SLC16A5: variants seen among roughly 807,000 people sequenced by gnomAD.
SLC16A5 encodes monocarboxylate transporter 6.
A neutral mutation model predicts 33.2 loss-of-function variants in SLC16A5; 29 were observed. The ratio of observed to expected loss-of-function variants is 0.87; its 90% CI spans 0.65 to 1.19. The LOEUF (loss-of-function observed/expected upper bound fraction) is 1.19. Ranked by LOEUF, SLC16A5 falls within the 50% of genes most tolerant of loss-of-function variation. SLC16A5 has a pLI of 0.00. For missense variants in SLC16A5, 606 were observed against 678.2 expected (o/e 0.89, Z 1.18); for synonymous variants, 248 against 284.1 (o/e 0.87, Z 1.28).
rs747676766 is a variant in SLC16A5, at chr17:75,100,209, C to G, written c.546C>G (p.Cys182Trp). Reference protein sequence around the residue: ...FLVFGGIFLHCCICGAIIRPV... With the variant: ...FLVFGGIFLHWCICGAIIRPV... ...TCTTCGGCGGGATCTTTCTCCACTG[C>G]TGCATCTGCGGGGCCATCATAAGGC... Residue 182 changes from cysteine to tryptophan, a missense_variant, in exon 5 of 7, where the codon TGC becomes TGG. Cys to Trp is a radical substitution (Grantham distance 215, BLOSUM62 -2). Coordinates refer to ENST00000329783, the MANE Select transcript of SLC16A5 (RefSeq NM_004695.4). 6.2e-7 allele frequency: 1 copy of G among 1,614,144 alleles called. No homozygotes were observed. Among genetic ancestry groups the G allele is most frequent in the Non-Finnish European group, 8.5e-7 (1 of 1,180,050 alleles).
chr17:75,096,676 CAT>C (rs1179458725), intron 3 of SLC16A5, among the ~76,000 whole-genome samples: 3 of 150,850 alleles, frequency 2.0e-5, no homozygotes. Context: ...GAATTACAGG[CAT>C]GCGCCACCAC....
At chr17:75,107,854 G>A (rs138678115), downstream of SLC16A5, among the ~76,000 whole-genome samples, 1,621 of 152,036 alleles carry the variant, frequency 0.011, 26 homozygotes, top group African/African-American at 0.037. Context: ...GGAGAATGGC[G>A]TGAACCTGGG....
intron 3 of SLC16A5, 110 bp downstream of exon 3, chr17:75,093,945 G>T (rs886459557): frequency 2.8e-6 from 4 of 1,451,822 alleles, no homozygotes; most frequent in Non-Finnish European, 3.7e-6. Flanking sequence ...TTTGCCTCCT[G>T]GGTGAATTCC....
chr17:75,107,963 G>A (rs2073875001), downstream of SLC16A5, among the ~76,000 whole-genome samples: 1 of 152,062 alleles, frequency 6.6e-6, no homozygotes, highest in Non-Finnish European at 1.5e-5. Flanking sequence ...AATTAGCTGG[G>A]TGCAGTGGTG....
downstream of SLC16A5, among the ~76,000 whole-genome samples, chr17:75,108,598 C>G (rs932512866): frequency 1.3e-5 from 2 of 152,048 alleles, no homozygotes; most frequent in Non-Finnish European, 2.9e-5. Flanking sequence ...GAGGCTCTCT[C>G]AAAGAAAATG....
intron 2 of SLC16A5, 27 bp from the exon 3 acceptor site, chr17:75,093,562 C>T (rs781716856): frequency 4.5e-6 from 7 of 1,552,942 alleles, no homozygotes; most frequent in Middle Eastern, 3.3e-4. Flanking sequence ...CTGCTGACCA[C>T]CAGGCTCCAT....
At chr17:75,104,351 A>G in intron 6 of SLC16A5, 171 bp downstream of exon 6, 5 of 1,434,874 alleles carry the variant, frequency 3.5e-6, no homozygotes. Flanking sequence ...CAGGCTCTGC[A>G]AGCTGGGACT....
chr17:75,105,935 T>A lies in SLC16A5; in HGVS notation c.1420T>A (p.Cys474Ser), dbSNP rs2145089336. 6.2e-7 allele frequency: 1 copy of A among 1,612,252 alleles called. No homozygotes were observed. Among genetic ancestry groups the A allele is most frequent in the South Asian group, 1.1e-5 (1 of 90,852 alleles). Reference protein sequence around the residue: ...PAGVNKHLWGCPASSRTSHEW... With the variant: ...PAGVNKHLWGSPASSRTSHEW... ...TGGCGTCAATAAGCATCTTTGGGGATGTCCTGCCTCCTCCAGGACCAGCCA... is the reference window on the plus strand; with the variant it reads ...TGGCGTCAATAAGCATCTTTGGGGAAGTCCTGCCTCCTCCAGGACCAGCCA... The change falls in exon 7 of 7, where the codon TGT (cysteine) becomes AGT (serine). Residue 474 changes from cysteine (C) to serine (S), a missense_variant. Transcript: ENST00000329783.
intron 6 of SLC16A5, chr17:75,104,930 T>C: frequency 1.0e-6 from 1 of 985,414 alleles, no homozygotes; most frequent in Non-Finnish European, 1.2e-6. Flanking sequence ...CACTGGACCT[T>C]CTCGTCCAGC....
intron 2 of SLC16A5, among the ~76,000 whole-genome samples, chr17:75,091,039 G>A (rs903252530): frequency 5.3e-5 from 8 of 152,218 alleles, no homozygotes; most frequent in Non-Finnish European, 8.8e-5. Flanking sequence ...AGTGGGGAGA[G>A]GGAGCAGGGC....
chr17:75,093,492 A>G, intron 2 of SLC16A5, 97 bp from the exon 3 acceptor site: 1 of 1,536,544 alleles, frequency 6.5e-7, no homozygotes, highest in Non-Finnish European at 8.7e-7. Context: ...CTTGGGTATG[A>G]GGAAGGGATG....
At chr17:75,095,331 C>T (rs1051185065) in intron 3 of SLC16A5, among the ~76,000 whole-genome samples, 6 of 152,170 alleles carry the variant, frequency 3.9e-5, no homozygotes, top group African/African-American at 1.4e-4. Flanking sequence ...GGGCACCCGG[C>T]GGGGAACCTA....
In SLC16A5 at chr17:75,100,745, A is replaced by G. The variant is rs759058500; in HGVS notation, c.1082A>G (p.Gln361Arg). ...CTCATGGACATCGTCCCCATGGATC[A>G]GTTCCCCAGAGCCCTGGGACTCTTC... ...QVLMDIVPMD[Q>R]FPRALGLFTV... Residue 361 changes from glutamine (Q) to arginine (R), a missense_variant, in exon 5 of 7, where the codon CAG becomes CGG. Coordinates refer to ENST00000329783, the MANE Select transcript of SLC16A5 (RefSeq NM_004695.4). 5 of 1,614,050 alleles carry G rather than the reference A, an allele frequency of 3.1e-6. No individual in the cohort carries two copies. The highest frequency in any genetic ancestry group is 4.2e-6 in the Non-Finnish European group (5 of 1,179,968).
At chr17:75,107,771 T>C (rs759958829), downstream of SLC16A5, among the ~76,000 whole-genome samples, 2 of 152,220 alleles carry the variant, frequency 1.3e-5, no homozygotes, top group Non-Finnish European at 2.9e-5. Flanking sequence ...ACCTCGTCTC[T>C]ATTAAAAATA....
At chr17:75,101,767 T>C (rs1027125339) in intron 5 of SLC16A5, among the ~76,000 whole-genome samples, 10 of 151,772 alleles carry the variant, frequency 6.6e-5, no homozygotes, top group African/African-American at 2.4e-4. Context: ...CCCAAGTAGC[T>C]GGGACTGCAG....
At chr17:75,097,231 G>A (rs2073731979) in intron 3 of SLC16A5, among the ~76,000 whole-genome samples, 2 of 152,024 alleles carry the variant, frequency 1.3e-5, no homozygotes, top group South Asian at 2.1e-4. Flanking sequence ...CCCTTTAGTT[G>A]CACTCTCGGA....
rs1417850757 is a variant in SLC16A5 at position 75,098,166 on chromosome 17, G to A, written c.328G>A (p.Ala110Thr). 1 of 1,612,926 alleles carries A rather than the reference G, an allele frequency of 6.2e-7. No individual in the cohort carries two copies. Among genetic ancestry groups the A allele is most frequent in the Non-Finnish European group, 8.5e-7 (1 of 1,179,556 alleles). ...CAACCTCAGCCAGCTCTACTTCACA[G>A]CAGGATTCATCACAGGTGACTATCA... The part of the protein sequence containing the change: ...SHNLSQLYFT[A>T]GFITGLGMCF... The change falls in exon 4 of 7, where the codon GCA becomes ACA. Residue 110 changes from alanine to threonine, a missense_variant. Coordinates refer to ENST00000329783, the MANE Select transcript of SLC16A5 (RefSeq NM_004695.4).
rs370199375 is a variant in SLC16A5 at position 75,100,233 on chromosome 17, G to A, written c.570G>A (p.Arg190=). 19 of 1,614,104 alleles carry A rather than the reference G, an allele frequency of 1.2e-5. No homozygotes were observed. Among genetic ancestry groups the A allele is most frequent in the African/African-American group, 9.3e-5 (7 of 74,934 alleles). The change falls in exon 5 of 7, where the codon AGG becomes AGA. Residue 190 remains arginine (R), a synonymous_variant. Coordinates refer to ENST00000329783, the MANE Select transcript of SLC16A5 (RefSeq NM_004695.4). The part of the protein sequence containing the change: ...LHCCICGAII[R]PVATSVAPET... Reference sequence around the variant, plus strand: ...GCTGCATCTGCGGGGCCATCATAAGGCCTGTGGCCACCAGTGTGGCCCCTG... The same window carrying A: ...GCTGCATCTGCGGGGCCATCATAAGACCTGTGGCCACCAGTGTGGCCCCTG...
At chr17:75,104,987 C>A (rs1204701997) in intron 6 of SLC16A5, 3 of 985,452 alleles carry the variant, frequency 3.0e-6, no homozygotes, top group Non-Finnish European at 3.6e-6. Context: ...GCCTCCATAC[C>A]GTTCTGAAGA....
Sources: allele counts gnomAD v4.1 joint callset (sites outside exome capture counted in the v4.1 genomes callset), GRCh38; gene constraint gnomAD v4.1.1; transcripts MANE v1.5; gene names NCBI Gene and HGNC (gene_info 2026-07-23, HGNC 2026-07-21).